SNX29: variants seen among roughly 807,000 people sequenced by gnomAD.
The protein encoded by SNX29 is sorting nexin 29.
Under a neutral mutation model 102.1 loss-of-function variants are expected in SNX29, and 78 were observed. That is an observed-to-expected ratio of 0.76 (90% CI 0.64 to 0.92). The LOEUF (loss-of-function observed/expected upper bound fraction) is 0.92. Among genes scored for constraint, SNX29 ranks in the 40% least tolerant of loss-of-function variants. The pLI, the probability that SNX29 is intolerant of heterozygous loss-of-function variation, is 0.00. For missense variants in SNX29, 1,280 were observed against 1,061.7 expected, an observed-to-expected ratio of 1.21 and a Z score of -2.86; for synonymous variants, 580 against 414.5, an observed-to-expected ratio of 1.40 and a Z score of -4.85.
intron 18 of SNX29, among the ~76,000 whole-genome samples, chr16:12,415,040 G>T (rs1309592960): frequency 2.6e-5 from 4 of 152,222 alleles, no homozygotes; most frequent in Non-Finnish European, 5.9e-5. Context: ...TTTTTAAAGA[G>T]ACTCCTTTGA....
At chr16:12,550,887 G>T (rs12445800) in intron 20 of SNX29, among the ~76,000 whole-genome samples, 4 of 152,158 alleles carry the variant, frequency 2.6e-5, no homozygotes, top group South Asian at 4.1e-4. Flanking sequence ...AACCTGTGAC[G>T]GGAGGGGAAG....
intron 11 of SNX29, among the ~76,000 whole-genome samples, chr16:12,110,563 G>A (rs1051882117): frequency 2.0e-5 from 3 of 152,122 alleles, no homozygotes; most frequent in African/African-American, 7.2e-5. Context: ...TGTGGTGGCT[G>A]GGCTGCTTGA....
chr16:12,329,053 C>A (rs932176304), intron 15 of SNX29, among the ~76,000 whole-genome samples: 1 of 151,946 alleles, frequency 6.6e-6, no homozygotes, highest in African/African-American at 2.4e-5. Flanking sequence ...AGGAGGATGG[C>A]TTGAGGTCAG....
intron 16 of SNX29, among the ~76,000 whole-genome samples, chr16:12,390,917 T>G (rs1197838217): frequency 6.6e-6 from 1 of 151,972 alleles, no homozygotes; most frequent in Non-Finnish European, 1.5e-5. Flanking sequence ...AACACTTACT[T>G]AGAATGAGGA....
intron 19 of SNX29, among the ~76,000 whole-genome samples, chr16:12,493,928 G>C (rs911988716): frequency 6.6e-6 from 1 of 152,130 alleles, no homozygotes; most frequent in Admixed American, 6.5e-5. Flanking sequence ...CCCAGTTACC[G>C]ATAAGACTGA....
chr16:12,515,059 T>C (rs778481697), intron 19 of SNX29, among the ~76,000 whole-genome samples: 1 of 152,116 alleles, frequency 6.6e-6, no homozygotes, highest in Non-Finnish European at 1.5e-5. Flanking sequence ...AAAATGTTGC[T>C]AGTGACGGCT....
intron 15 of SNX29, among the ~76,000 whole-genome samples, chr16:12,354,965 T>C (rs746557): frequency 0.053 from 8,055 of 152,296 alleles, 273 homozygotes; most frequent in Non-Finnish European, 0.079. Context: ...TGAAAGCGTC[T>C]GTACCTCAGG....
intron 19 of SNX29, among the ~76,000 whole-genome samples, chr16:12,502,536 G>A (rs1288455194): frequency 2.0e-5 from 3 of 152,152 alleles, no homozygotes; most frequent in Non-Finnish European, 2.9e-5. Context: ...TCCCCACGGT[G>A]GCCGGGGCCT....
chr16:12,454,801 C>T (rs961208050), intron 18 of SNX29, among the ~76,000 whole-genome samples: 1 of 152,112 alleles, frequency 6.6e-6, no homozygotes, highest in Non-Finnish European at 1.5e-5. Context: ...CTCACTGCAA[C>T]CTCTGCCTCC....
chr16:12,395,450 C>A (rs141026732), intron 16 of SNX29, among the ~76,000 whole-genome samples: 2 of 152,340 alleles, frequency 1.3e-5, no homozygotes, highest in East Asian at 3.9e-4. Context: ...TGTACAGCAC[C>A]GAGGGTGTTT....
intron 19 of SNX29, among the ~76,000 whole-genome samples, chr16:12,511,077 C>T (rs2089597549): frequency 6.6e-6 from 1 of 152,200 alleles, no homozygotes; most frequent in African/African-American, 2.4e-5. Context: ...TCTGTTGAGA[C>T]ATAAAGATGA....
At chr16:12,370,223 GAAACA>G (rs1044824191) in intron 16 of SNX29, among the ~76,000 whole-genome samples, 5 of 151,894 alleles carry the variant, frequency 3.3e-5, no homozygotes, top group Non-Finnish European at 2.9e-5. Context: ...CTCCATCTCA[GAAACA>G]AAACAAAACA....
intron 5 of SNX29, 104 bp from the exon 6 acceptor site, chr16:12,046,280 G>A (rs1278157192): frequency 3.9e-5 from 43 of 1,106,354 alleles, no homozygotes; most frequent in Non-Finnish European, 5.5e-5. Context: ...CTCTTGGGGT[G>A]ACCAGGTGCA....
rs2079242661 is a variant in SNX29 at position 12,574,080 on chromosome 16, C to T, written c.*5451C>T. The T allele has an allele frequency of 5.2e-6, 1 of 190,850 alleles. No homozygotes were observed. The highest frequency in any genetic ancestry group is 1.1e-5 in the Non-Finnish European group (1 of 91,126). 11.8% of individuals were successfully genotyped at this position (190,850 alleles called of 1,614,324 possible). ...AAGGTCTAGAAGTCTGTGGAAACGC[C>T]CTGAAACCTGTAGTATTATCTTAAC... On this transcript the variant is annotated 3_prime_UTR_variant, in exon 21 of 21. Transcript: ENST00000566228.
At chr16:12,371,889 C>T (rs2151383438) in intron 16 of SNX29, among the ~76,000 whole-genome samples, 1 of 152,314 alleles carries the variant, frequency 6.6e-6, no homozygotes, top group Non-Finnish European at 1.5e-5. Context: ...TGTCCCTCAG[C>T]ATTTGCTCCT....
In SNX29 at chr16:12,112,164, C is replaced by T. The variant is rs77268617; in HGVS notation, c.1403-14469C>T. On this transcript the variant is annotated intron_variant, in intron 11 of 20. Coordinates refer to ENST00000566228, the MANE Select transcript of SNX29 (RefSeq NM_032167.5). The stretch of plus-strand genomic sequence containing the variant: ...GCCCAACTGTACCTTCACCTCCCTT[C>T]GTAGAAGACAGGGTCGGGGTGGAGG... Among the ~76,000 whole-genome samples, 14 of 152,284 alleles carry T rather than the reference C, an allele frequency of 9.2e-5. No individual in the cohort carries two copies. In the East Asian group the frequency reaches 1.4e-3, roughly 15 times the overall value.
chr16:12,486,413 C>T (rs560596601), intron 19 of SNX29, among the ~76,000 whole-genome samples: 1 of 151,374 alleles, frequency 6.6e-6, no homozygotes, highest in South Asian at 2.1e-4. Flanking sequence ...ATCCTGCCTA[C>T]CGTACACCTC....
intron 19 of SNX29, among the ~76,000 whole-genome samples, chr16:12,514,549 T>C (rs1018330449): frequency 6.6e-6 from 1 of 152,160 alleles, no homozygotes; most frequent in Non-Finnish European, 1.5e-5. Flanking sequence ...AGCTTCATTC[T>C]TCTGAAATGG....
chr16:12,153,753 T>C (rs2055407495), intron 13 of SNX29, among the ~76,000 whole-genome samples: 1 of 152,068 alleles, frequency 6.6e-6, no homozygotes, highest in Non-Finnish European at 1.5e-5. Flanking sequence ...GCTGGGATTA[T>C]GGGAGTGAAC....
Sources: allele counts gnomAD v4.1 joint callset (sites outside exome capture counted in the v4.1 genomes callset), GRCh38; gene constraint gnomAD v4.1.1; transcripts MANE v1.5; gene names NCBI Gene and HGNC (gene_info 2026-07-23, HGNC 2026-07-21).